Variants in GALNT13 observed in about 807,000 individuals in gnomAD.
The protein encoded by GALNT13 is polypeptide N-acetylgalactosaminyltransferase 13.
In GALNT13, 28 loss-of-function variants were observed where a neutral mutation model predicts 64.2. That is an observed-to-expected ratio of 0.44 (90% confidence interval 0.32 to 0.60). The LOEUF (loss-of-function observed/expected upper bound fraction) is 0.60. Ranked by LOEUF, GALNT13 falls within the 20% of genes least tolerant of loss-of-function variation. The probability of loss-of-function intolerance (pLI) is 0.05; values close to 1 mark genes in which losing one functional copy is unlikely to be tolerated. For missense variants in GALNT13, 577 were observed against 669.8 expected, an observed-to-expected ratio of 0.86 and a Z score of 1.53; for synonymous variants, 214 against 224.6, an observed-to-expected ratio of 0.95 and a Z score of 0.42.
At chr2:153,144,361 T>C in the GALNT13 span, among the ~76,000 whole-genome samples, 1 of 151,852 alleles carries the variant, frequency 6.6e-6, no homozygotes, top group Non-Finnish European at 1.5e-5. Flanking sequence ...AACAAGAAAG[T>C]TGAACTTGAT....
the GALNT13 span, among the ~76,000 whole-genome samples, chr2:153,117,954 C>T: frequency 6.6e-6 from 1 of 152,168 alleles, no homozygotes; most frequent in Non-Finnish European, 1.5e-5. Flanking sequence ...TTCTTAGTCC[C>T]TAATGCCTCT....
At chr2:154,341,186 T>C (rs1350789430) in intron 9 of GALNT13, among the ~76,000 whole-genome samples, 1 of 151,858 alleles carries the variant, frequency 6.6e-6, no homozygotes, top group African/African-American at 2.4e-5. Flanking sequence ...AGGAAAAAAA[T>C]AAAGATCACC....
the GALNT13 span, among the ~76,000 whole-genome samples, chr2:153,524,477 C>T: frequency 2.0e-4 from 30 of 152,200 alleles, no homozygotes; most frequent in African/African-American, 6.7e-4. Flanking sequence ...ATGGCTTTAG[C>T]TTCATATCAC....
the GALNT13 span, among the ~76,000 whole-genome samples, chr2:153,805,915 T>C: frequency 6.6e-5 from 10 of 151,990 alleles, no homozygotes; most frequent in Admixed American, 2.0e-4. Context: ...AGTATAAATA[T>C]GGAATTAAGA....
At chr2:154,056,140 GA>G (rs1306437290) in intron 3 of GALNT13, among the ~76,000 whole-genome samples, 3 of 151,194 alleles carry the variant, frequency 2.0e-5, no homozygotes, top group Admixed American at 6.6e-5. Context: ...TATTTAAAAA[GA>G]AAAAAAGGAA....
chr2:154,346,522 C>T (rs546933294), intron 9 of GALNT13, among the ~76,000 whole-genome samples: 9 of 152,130 alleles, frequency 5.9e-5, no homozygotes, highest in East Asian at 3.9e-4. Context: ...ATAAGTCTCA[C>T]GAGATCTGAT....
chr2:153,478,278 C>G, the GALNT13 span: 1 of 1,613,908 alleles, frequency 6.2e-7, no homozygotes, highest in African/African-American at 1.3e-5. Flanking sequence ...CCTTAGACGG[C>G]CTCCGGTCCT....
At chr2:153,309,746 G>A in the GALNT13 span, among the ~76,000 whole-genome samples, 11 of 151,868 alleles carry the variant, frequency 7.2e-5, no homozygotes, top group South Asian at 2.3e-3. Flanking sequence ...GCATAATAAA[G>A]AAATTACATA....
chr2:154,171,775 A>G (rs187204984), intron 4 of GALNT13, among the ~76,000 whole-genome samples: 82 of 152,112 alleles, frequency 5.4e-4, no homozygotes, highest in African/African-American at 2.0e-3. Flanking sequence ...TCCACTTGAG[A>G]GTTTTGTACT....
chr2:153,784,441 C>A, the GALNT13 span, among the ~76,000 whole-genome samples: 3 of 152,112 alleles, frequency 2.0e-5, no homozygotes, highest in Admixed American at 1.3e-4. Context: ...AGAGCATAAA[C>A]GTTTAGAAAA....
At chr2:153,657,857 C>A in the GALNT13 span, among the ~76,000 whole-genome samples, 3 of 152,088 alleles carry the variant, frequency 2.0e-5, no homozygotes, top group Admixed American at 6.6e-5. Context: ...TCCTTTAGAG[C>A]CTTAGACACA....
At chr2:153,884,856 TAC>T (rs144324984) in intron 1 of GALNT13, among the ~76,000 whole-genome samples, 37,064 of 120,160 alleles carry the variant, frequency 0.31, 5,686 homozygotes, top group Middle Eastern at 0.44. Flanking sequence ...TATATGTATA[TAC>T]ACACACACAC....
At chr2:154,177,974 G>C (rs1038306748) in intron 4 of GALNT13, among the ~76,000 whole-genome samples, 2 of 152,118 alleles carry the variant, frequency 1.3e-5, no homozygotes, top group Middle Eastern at 3.2e-3. Context: ...TATGACTCAA[G>C]TAATGCAAAA....
chr2:153,467,075 A>G, the GALNT13 span, among the ~76,000 whole-genome samples: 1 of 152,082 alleles, frequency 6.6e-6, no homozygotes, highest in Non-Finnish European at 1.5e-5. Context: ...ACATATTCGA[A>G]TAAAACATTT....
chr2:153,254,647 C>T, the GALNT13 span, among the ~76,000 whole-genome samples: 1 of 151,934 alleles, frequency 6.6e-6, no homozygotes, highest in Non-Finnish European at 1.5e-5. Context: ...TGGATGTGTC[C>T]CAGAGATTCT....
At chr2:154,113,306 A>G (rs2105496036) in intron 3 of GALNT13, among the ~76,000 whole-genome samples, 1 of 152,296 alleles carries the variant, frequency 6.6e-6, no homozygotes, top group Non-Finnish European at 1.5e-5. Flanking sequence ...GATATGGCCC[A>G]AGTGGCAGAG....
At chr2:153,552,754 G>A in the GALNT13 span, among the ~76,000 whole-genome samples, 5 of 151,988 alleles carry the variant, frequency 3.3e-5, no homozygotes, top group Admixed American at 6.6e-5. Flanking sequence ...TGGAAGACAA[G>A]TTTTTTTAAA....
the GALNT13 span, among the ~76,000 whole-genome samples, chr2:153,308,741 T>C: frequency 6.6e-6 from 1 of 152,154 alleles, no homozygotes; most frequent in Admixed American, 6.6e-5. Context: ...GGAACGCCGA[T>C]GAACAAATTA....
chr2:154,155,267 A>T (rs1043568816), intron 4 of GALNT13, among the ~76,000 whole-genome samples: 3 of 152,198 alleles, frequency 2.0e-5, no homozygotes, highest in Admixed American at 1.3e-4. Flanking sequence ...TATAATTTTT[A>T]AAAACAGCCA....
Sources: gnomAD v4.1 joint callset for allele counts (sites outside exome capture counted in the v4.1 genomes callset) on GRCh38, gnomAD v4.1.1 for gene constraint, MANE v1.5 for transcripts, NCBI Gene and HGNC (gene_info 2026-07-23, HGNC 2026-07-21) for gene names.